The following SIM1 variants were observed in gnomAD, a reference collection of about 807,000 sequenced individuals.
SIM1 encodes SIM bHLH transcription factor 1.
In SIM1, 18 loss-of-function variants were observed where a neutral mutation model predicts 78.2. The ratio of observed to expected loss-of-function variants is 0.23; its 90% CI spans 0.16 to 0.34. The LOEUF (loss-of-function observed/expected upper bound fraction) is 0.34. SIM1 is among the 10% of genes least tolerant of loss of function. The pLI is 1.00. For missense variants in SIM1, 939 were observed against 975.1 expected (o/e 0.96, Z 0.49); for synonymous variants, 417 against 385.2 (o/e 1.08, Z -0.97).
Position 100,453,837 on chromosome 6 carries a change from G to A in SIM1, c.183C>T (p.Gly61=). 6.2e-7 allele frequency: 1 copy of A among 1,610,760 alleles called. No individual in the cohort carries two copies. The highest frequency in any genetic ancestry group is 8.5e-7 in the Non-Finnish European group (1 of 1,178,524). The part of the protein sequence containing the change: ...KMRVVFPEGL[G]EAWGHSSRTS... ...TCCGACTTGAGTGGCCCCACGCCTC[G>A]CCGAGCCCTGTGGAGACACAGAAGC... is the stretch of plus-strand genomic sequence containing the variant. The change falls in exon 3 of 12, where the codon GGC becomes GGT. Residue 61 remains glycine, a synonymous_variant. Transcript: ENST00000369208.
At chr6:100,453,438 T>A (rs576356787) in intron 3 of SIM1, among the ~76,000 whole-genome samples, 1 of 152,210 alleles carries the variant, frequency 6.6e-6, no homozygotes, top group African/African-American at 2.4e-5. Context: ...TCTGGGGTGT[T>A]CCAGTTCCCT....
At chr6:100,439,356 C>G (rs1194224364) in intron 9 of SIM1, among the ~76,000 whole-genome samples, 1 of 152,188 alleles carries the variant, frequency 6.6e-6, no homozygotes, top group Admixed American at 6.5e-5. Flanking sequence ...TCCATCCTTT[C>G]CCTGATAGCT....
At chr6:100,458,806 C>T (rs921665491) in intron 2 of SIM1, among the ~76,000 whole-genome samples, 2 of 152,260 alleles carry the variant, frequency 1.3e-5, no homozygotes, top group African/African-American at 4.8e-5. Flanking sequence ...GTGGGGCTAC[C>T]AGCGGAAGGA....
chr6:100,393,762 G>A lies in SIM1; in HGVS notation c.1295C>T (p.Ala432Val). 1 of 1,614,260 alleles carries A rather than the reference G, an allele frequency of 6.2e-7. No homozygotes were observed. Among genetic ancestry groups the A allele is most frequent in the Non-Finnish European group, 8.5e-7 (1 of 1,180,040 alleles). The change falls in exon 11 of 12, where the codon GCA becomes GTA. Residue 432 changes from alanine to valine, a missense_variant. Transcript: ENST00000369208. Reference sequence around the variant, plus strand: ...CGAAAACTGTCTGTAGGCGCACGATGCGTCGTGCTGGGAGCCAGGCCTATC... The same window carrying A: ...CGAAAACTGTCTGTAGGCGCACGATACGTCGTGCTGGGAGCCAGGCCTATC... ...PADRPGSQHD[A>V]SCAYRQFSDR...
chr6:100,428,379 T>C (rs1001725899), intron 9 of SIM1, among the ~76,000 whole-genome samples: 3 of 151,934 alleles, frequency 2.0e-5, no homozygotes, highest in African/African-American at 7.3e-5. Context: ...ATATCTACAA[T>C]AGAAAAATAA....
chr6:100,413,540 A>G (rs1404909365), intron 10 of SIM1, among the ~76,000 whole-genome samples: 2 of 152,122 alleles, frequency 1.3e-5, no homozygotes, highest in Non-Finnish European at 2.9e-5. Flanking sequence ...AACTAATGCG[A>G]CTAAATCTAG....
intron 3 of SIM1, among the ~76,000 whole-genome samples, chr6:100,451,588 G>C (rs1258471821): frequency 1.3e-5 from 2 of 151,870 alleles, no homozygotes; most frequent in African/African-American, 4.8e-5. Flanking sequence ...AAGGGGAGGG[G>C]AAGAGGAGAT....
Position 100,420,799 on chromosome 6 carries a change from T to C in SIM1, c.1158A>G (p.Pro386=), listed in dbSNP as rs1180428971. Residue 386 remains proline (P), a synonymous_variant, in exon 10 of 12, where the codon CCA becomes CCG. Coordinates refer to ENST00000369208, the MANE Select transcript of SIM1 (RefSeq NM_005068.3). ...SSSKSKSRTS[P]YPQYSGFHTE... ...ACAGCAATGCACTTACCTGAGGGTA[T>C]GGGGAAGTCCTGGATTTTGACTTTG... 2 of 1,613,932 alleles carry C rather than the reference T, an allele frequency of 1.2e-6. No individual in the cohort carries two copies. The highest frequency in any genetic ancestry group is 1.7e-6 in the Non-Finnish European group (2 of 1,179,990).
Position 100,447,241 on chromosome 6 carries a change from G to A in SIM1, c.998+27C>T, listed in dbSNP as rs775531611. ...CAGAGAGCAGGGTCGCCTGGGGTGGGTGAAGGGGTCTCAGTCTTGCACTCA... is the reference window on the plus strand; with the variant it reads ...CAGAGAGCAGGGTCGCCTGGGGTGGATGAAGGGGTCTCAGTCTTGCACTCA... On this transcript the variant is annotated intron_variant, in intron 9 of 11. Transcript: ENST00000369208. 8 of 1,607,452 alleles carry A rather than the reference G, an allele frequency of 5.0e-6. No individual in the cohort carries two copies. The East Asian group carries it at 1.8e-4, about 36-fold the overall frequency.
At chr6:100,464,480 A>T (rs575014803) in intron 1 of SIM1, 134 bp downstream of exon 1, 1 of 152,304 alleles carries the variant, frequency 6.6e-6, no homozygotes, top group African/African-American at 2.4e-5. Context: ...CAGCAGCGCC[A>T]GGTTAACAGG....
chr6:100,409,721 T>C (rs1297525623), intron 10 of SIM1, among the ~76,000 whole-genome samples: 1 of 152,156 alleles, frequency 6.6e-6, no homozygotes, highest in Non-Finnish European at 1.5e-5. Context: ...CATTTTTATA[T>C]GATGTGTTCC....
At chr6:100,419,862 G>C (rs1352927523) in intron 10 of SIM1, among the ~76,000 whole-genome samples, 4 of 152,086 alleles carry the variant, frequency 2.6e-5, no homozygotes, top group Non-Finnish European at 5.9e-5. Flanking sequence ...GGCTGGTCTT[G>C]AACTCCTGAC....
rs1365031442 is a variant in SIM1, at chr6:100,385,791, T to C, written c.*4570A>G. The C allele has an allele frequency of 1.3e-5, 2 of 151,722 alleles. No homozygotes were observed. Among genetic ancestry groups the C allele is most frequent in the Non-Finnish European group, 2.9e-5 (2 of 67,842 alleles). The allele number at this position is 151,722 out of a possible 1,614,324, so 9.4% of individuals were successfully genotyped here. A position where few individuals can be genotyped will look rare whatever the true frequency, so the allele number is the denominator to read the frequency against. On this transcript the variant is annotated 3_prime_UTR_variant, in exon 12 of 12. Transcript: ENST00000369208. ...TGTGCGTATGTGTGTGTGTATGCTT[T>C]CTGCATACAGTCCTAGAGAAGGAAC...
At position 100,390,624 on chromosome 6, in the gene SIM1, A is replaced by C. The variant is rs1166303647; in HGVS notation, c.2038T>G (p.Ser680Ala). Reference sequence around the variant, plus strand: ...GCTGTCTGATGAGGAGATATATCCGAATGCAGATAGTCTTTAGCTAGGATC... The same window carrying C: ...GCTGTCTGATGAGGAGATATATCCGCATGCAGATAGTCTTTAGCTAGGATC... Reference protein sequence around the residue: ...SLILAKDYLHSDISPHQTAGD... With the variant: ...SLILAKDYLHADISPHQTAGD... The change falls in exon 12 of 12, where the codon TCG (serine) becomes GCG (alanine). Residue 680 changes from serine (S) to alanine (A), a missense_variant. By Grantham distance (99) the Ser-to-Ala change is moderately conservative. This residue lies in a region of SIM1 where 556 missense variants were observed against 521.9 expected (regional missense o/e 1.07). Coordinates refer to ENST00000369208, the MANE Select transcript of SIM1 (RefSeq NM_005068.3). The C allele has an allele frequency of 1.9e-6, 3 of 1,614,202 alleles. No individual in the cohort carries two copies.
At position 100,411,149 on chromosome 6, in the gene SIM1, C is replaced by A. The variant is rs143314885; in HGVS notation, c.1167+9641G>T. Among the ~76,000 whole-genome samples the A allele has an allele frequency of 3.3e-5, 5 of 152,230 alleles. 1 individual carries two copies. The highest frequency in any genetic ancestry group is 1.2e-4 in the African/African-American group (5 of 41,552). On this transcript the variant is annotated intron_variant, in intron 10 of 11. Coordinates refer to ENST00000369208, the MANE Select transcript of SIM1 (RefSeq NM_005068.3). ...ACTGAGCCCTGGAACTAGGGCTGAG[C>A]CCATAAACAAACATGGGTAACTGAG...
At chr6:100,425,370 T>C (rs1214517116) in intron 9 of SIM1, among the ~76,000 whole-genome samples, 1 of 152,200 alleles carries the variant, frequency 6.6e-6, no homozygotes, top group Non-Finnish European at 1.5e-5. Context: ...TCTATTGCAG[T>C]ATGGCCAGAA....
Position 100,385,140 on chromosome 6 carries a change from T to A in SIM1, c.*5221A>T, listed in dbSNP as rs1039780813. 1 of 152,038 alleles carries A rather than the reference T, an allele frequency of 6.6e-6. No homozygotes were observed. The highest frequency in any genetic ancestry group is 1.5e-5 in the Non-Finnish European group (1 of 67,928). The allele number at this position is 152,038 out of a possible 1,614,324, so 9.4% of individuals were successfully genotyped here. ...ATAAATAATTATAAATGGGAACACT[T>A]TGCAAGATATCATTGACATAGCTAA... is the stretch of plus-strand genomic sequence containing the variant. On this transcript the variant is annotated 3_prime_UTR_variant, in exon 12 of 12. Transcript: ENST00000369208.
intron 7 of SIM1, 35 bp downstream of exon 7, chr6:100,448,444 G>T (rs765989967): frequency 1.1e-5 from 18 of 1,600,878 alleles, no homozygotes; most frequent in Non-Finnish European, 1.5e-5. Context: ...CCGCCCTCAG[G>T]CTAGGAGAGG....
intron 9 of SIM1, among the ~76,000 whole-genome samples, chr6:100,434,813 A>C (rs1175067963): frequency 6.6e-6 from 1 of 152,190 alleles, no homozygotes; most frequent in African/African-American, 2.4e-5. Context: ...CTATTTCTAC[A>C]ATCTACCCAT....
Sources: allele counts gnomAD v4.1 joint callset (sites outside exome capture counted in the v4.1 genomes callset), GRCh38; gene constraint gnomAD v4.1.1; regional missense constraint gnomAD v4.1.1; transcripts MANE v1.5; gene names NCBI Gene and HGNC (gene_info 2026-07-23, HGNC 2026-07-21).